Variants in DMRT1 observed in about 807,000 individuals in gnomAD.
The protein encoded by DMRT1 is doublesex and mab-3 related transcription factor 1.
A neutral mutation model predicts 32.3 loss-of-function variants in DMRT1; 7 were observed. The ratio of observed to expected loss-of-function variants is 0.22; its 90% CI spans 0.12 to 0.41. DMRT1 has a LOEUF of 0.41. Among genes scored for constraint, DMRT1 ranks in the 10% least tolerant of loss-of-function variants. DMRT1 has a pLI of 1.00. For synonymous variants in DMRT1, 278 were observed against 206.1 expected, an observed-to-expected ratio of 1.35 and a Z score of -2.99; for missense variants, 625 against 500.5, an observed-to-expected ratio of 1.25 and a Z score of -2.37.
intron 4 of DMRT1, among the ~76,000 whole-genome samples, chr9:925,914 T>C (rs113229667): frequency 0.022 from 3,378 of 152,316 alleles, 76 homozygotes; most frequent in African/African-American, 0.055. Context: ...GGCTACAGTC[T>C]AGCACCCTCA....
chr9:946,876 T>C (rs1027119076), intron 4 of DMRT1, among the ~76,000 whole-genome samples: 5 of 152,150 alleles, frequency 3.3e-5, no homozygotes, highest in Non-Finnish European at 5.9e-5. Flanking sequence ...CTGGCAGTAG[T>C]TGAGATTCAC....
At chr9:912,959 G>A (rs1818040915) in intron 3 of DMRT1, among the ~76,000 whole-genome samples, 3 of 152,122 alleles carry the variant, frequency 2.0e-5, no homozygotes, top group African/African-American at 7.2e-5. Flanking sequence ...TACAAATAAA[G>A]TTTTATTGGA....
At chr9:926,367 A>G (rs983258626) in intron 4 of DMRT1, among the ~76,000 whole-genome samples, 3 of 152,228 alleles carry the variant, frequency 2.0e-5, no homozygotes, top group Non-Finnish European at 2.9e-5. Flanking sequence ...CTTTGAAATC[A>G]TAAGTGCAAA....
intron 3 of DMRT1, among the ~76,000 whole-genome samples, chr9:900,686 ATT>A (rs531727921): frequency 7.6e-5 from 11 of 144,154 alleles, no homozygotes; most frequent in African/African-American, 5.0e-5. Context: ...AATCTACTTA[ATT>A]TTTTTTTTTT....
chr9:861,343 T>G (rs569342746), intron 2 of DMRT1, among the ~76,000 whole-genome samples: 112 of 152,290 alleles, frequency 7.4e-4, no homozygotes, highest in South Asian at 5.2e-3. Flanking sequence ...ATTTAACCCT[T>G]AGTGGACACA....
chr9:935,053 A>T (rs1468361000), intron 4 of DMRT1, among the ~76,000 whole-genome samples: 4 of 152,254 alleles, frequency 2.6e-5, no homozygotes, highest in African/African-American at 4.8e-5. Context: ...AAAATCATTT[A>T]TAATAGAAGC....
At chr9:925,157 G>A (rs560482869) in intron 4 of DMRT1, among the ~76,000 whole-genome samples, 17 of 152,232 alleles carry the variant, frequency 1.1e-4, no homozygotes, top group African/African-American at 2.4e-4. Flanking sequence ...GGTCAGCTTC[G>A]TACTCCTCCA....
chr9:862,887 C>A (rs1020159541), intron 2 of DMRT1, among the ~76,000 whole-genome samples: 1 of 152,062 alleles, frequency 6.6e-6, no homozygotes, highest in African/African-American at 2.4e-5. Flanking sequence ...GTGCCCTAAT[C>A]CCTGCAACCT....
intron 4 of DMRT1, among the ~76,000 whole-genome samples, chr9:946,908 A>G (rs747459552): frequency 7.2e-5 from 11 of 152,234 alleles, no homozygotes; most frequent in Admixed American, 3.9e-4. Flanking sequence ...GTGCCTGACA[A>G]TGCAAGGACT....
At chr9:871,155 G>C (rs13283997) in intron 2 of DMRT1, among the ~76,000 whole-genome samples, 1 of 151,768 alleles carries the variant, frequency 6.6e-6, no homozygotes, top group Non-Finnish European at 1.5e-5. Context: ...TCCTACCTCA[G>C]CCTGAGTAGC....
chr9:866,957 A>G (rs541560062), intron 2 of DMRT1, among the ~76,000 whole-genome samples: 230 of 152,240 alleles, frequency 1.5e-3, no homozygotes, highest in African/African-American at 5.2e-3. Context: ...TGGGTGTGCT[A>G]TTTTCATCAT....
chr9:901,489 G>A (rs1370415005), intron 3 of DMRT1, among the ~76,000 whole-genome samples: 2 of 151,824 alleles, frequency 1.3e-5, no homozygotes, highest in East Asian at 3.9e-4. Flanking sequence ...ACCATGCCTG[G>A]CTAATTTTTG....
chr9:857,674 G>A (rs138993148), intron 2 of DMRT1, among the ~76,000 whole-genome samples: 8,518 of 151,510 alleles, frequency 0.056, 751 homozygotes, highest in African/African-American at 0.19. Flanking sequence ...TGTGCACAAC[G>A]TGCAGGTTAG....
At chr9:853,888 T>C (rs1412993869) in intron 2 of DMRT1, among the ~76,000 whole-genome samples, 1 of 152,106 alleles carries the variant, frequency 6.6e-6, no homozygotes, top group East Asian at 1.9e-4. Flanking sequence ...CTCCAACTCC[T>C]AGGCTCAAAC....
chr9:918,021 C>A (rs1056466752), intron 4 of DMRT1, among the ~76,000 whole-genome samples: 13 of 152,228 alleles, frequency 8.5e-5, no homozygotes, highest in African/African-American at 3.1e-4. Flanking sequence ...ATAGGTCCTT[C>A]TTTCATACTG....
At chr9:876,762 C>G (rs879544666) in intron 2 of DMRT1, among the ~76,000 whole-genome samples, 1 of 152,116 alleles carries the variant, frequency 6.6e-6, no homozygotes, top group Non-Finnish European at 1.5e-5. Flanking sequence ...AACTTCTGAC[C>G]TCAAGCAATC....
At chr9:948,943 A>G in intron 4 of DMRT1, among the ~76,000 whole-genome samples, 1 of 147,720 alleles carries the variant, frequency 6.8e-6, no homozygotes, top group South Asian at 2.2e-4. Context: ...TAATAATAAT[A>G]ATAGCCGGGC....
At chr9:860,541 C>G (rs895658738) in intron 2 of DMRT1, among the ~76,000 whole-genome samples, 1 of 152,044 alleles carries the variant, frequency 6.6e-6, no homozygotes, top group Admixed American at 6.6e-5. Context: ...AGATCCTATT[C>G]TAGGTGCAGG....
At chr9:858,222 C>A (rs1238564052) in intron 2 of DMRT1, among the ~76,000 whole-genome samples, 2 of 152,130 alleles carry the variant, frequency 1.3e-5, no homozygotes, top group Non-Finnish European at 2.9e-5. Context: ...GGGAAGAGGG[C>A]AGTTCACAAA....
Sources: gnomAD v4.1 joint callset for allele counts (sites outside exome capture counted in the v4.1 genomes callset) on GRCh38, gnomAD v4.1.1 for gene constraint, MANE v1.5 for transcripts, NCBI Gene and HGNC (gene_info 2026-07-23, HGNC 2026-07-21) for gene names.